SMG9: variants seen among roughly 807,000 people sequenced by gnomAD.
SMG9 encodes nonsense-mediated mRNA decay factor SMG9.
SMG9 carries 55 observed loss-of-function variants against 64.0 expected under a neutral mutation model. The observed-to-expected ratio is 0.86, with a 90% CI of 0.69 to 1.08. The LOEUF is 1.08. SMG9 is among the 50% of genes least tolerant of loss of function. The pLI, the probability that SMG9 is intolerant of heterozygous loss-of-function variation, is 0.00. For missense variants in SMG9, 554 were observed against 681.3 expected, an observed-to-expected ratio of 0.81 and a Z score of 2.08; for synonymous variants, 244 against 254.8, an observed-to-expected ratio of 0.96 and a Z score of 0.41.
Position 43,747,907 on chromosome 19 carries a change from T to TA in SMG9, c.226-11dup, listed in dbSNP as rs550174540. The TA allele has an allele frequency of 2.4e-3, 3,905 of 1,611,892 alleles. 22 individuals carry two copies. The highest frequency in any genetic ancestry group is 2.1e-3 in the Non-Finnish European group (2,464 of 1,179,132). On this transcript the variant is annotated splice_polypyrimidine_tract_variant and intron_variant, in intron 3 of 13. Transcript: ENST00000270066. ...GTGGTGGCTGTTTTGACTACGGAGG[T>TA]AAAAAAAATCCCATCAATGGGGGCA...
chr19:43,741,550 TG>T (rs1465666237), intron 6 of SMG9, among the ~76,000 whole-genome samples: 10 of 152,284 alleles, frequency 6.6e-5, no homozygotes, highest in African/African-American at 2.4e-4. Flanking sequence ...TGCTGCTATG[TG>T]GTGAGGACCG....
rs766009859 is a variant in SMG9, at chr19:43,750,696, G to A, written c.46C>T (p.Arg16Trp). ...HSQPGLYGIE[R>W]RRRWKEPGSG... ...CCAGGCTCCTTCCACCGTCGCCGCCGCTCTATCCCATAGAGTCCAGGCTGA... is the reference window on the plus strand; with the variant it reads ...CCAGGCTCCTTCCACCGTCGCCGCCACTCTATCCCATAGAGTCCAGGCTGA... Residue 16 changes from arginine to tryptophan, a missense_variant, in exon 2 of 14, where the codon CGG (arginine) becomes TGG (tryptophan). Arg to Trp is a moderately radical substitution (Grantham distance 101). Coordinates refer to ENST00000270066, the MANE Select transcript of SMG9 (RefSeq NM_019108.4). 8 of 1,613,726 alleles carry A rather than the reference G, an allele frequency of 5.0e-6. No individual in the cohort carries two copies. Among genetic ancestry groups the A allele is most frequent in the African/African-American group, 4.0e-5 (3 of 74,904 alleles).
chr19:43,734,364 C>T lies in SMG9; in HGVS notation c.1102+25G>A, dbSNP rs749993432. On this transcript the variant is annotated intron_variant, in intron 10 of 13. Transcript: ENST00000270066. Reference sequence around the variant, plus strand: ...CCCTCATTTTTCCTCCTGCCCACCCCTCCAGTCCCCAGAAAGCCTCTCACC... The same window carrying T: ...CCCTCATTTTTCCTCCTGCCCACCCTTCCAGTCCCCAGAAAGCCTCTCACC... The T allele has an allele frequency of 3.3e-6, 5 of 1,535,656 alleles. No individual in the cohort carries two copies. The South Asian group carries it at 6.0e-5, about 18-fold the overall frequency.
chr19:43,745,365 G>GT (rs112917489), intron 5 of SMG9, among the ~76,000 whole-genome samples: 3,259 of 150,870 alleles, frequency 0.022, 108 homozygotes, highest in African/African-American at 0.073. Context: ...GTGTTTTTTT[G>GT]TTTTTTTTTA....
At chr19:43,754,212 TG>T (rs1969283361) in intron 1 of SMG9, among the ~76,000 whole-genome samples, 1 of 152,312 alleles carries the variant, frequency 6.6e-6, no homozygotes, top group South Asian at 2.1e-4. Context: ...GCCCACTTCG[TG>T]GGGCACTCCC....
At chr19:43,743,360 C>T (rs1305997341) in intron 6 of SMG9, among the ~76,000 whole-genome samples, 1 of 152,184 alleles carries the variant, frequency 6.6e-6, no homozygotes, top group African/African-American at 2.4e-5. Context: ...GCAGAGGAAC[C>T]TCACAGCTCC....
chr19:43,749,608 TAC>T (rs1417984302), intron 2 of SMG9, among the ~76,000 whole-genome samples: 1 of 152,222 alleles, frequency 6.6e-6, no homozygotes, highest in Non-Finnish European at 1.5e-5. Context: ...TTCATGTTTG[TAC>T]AGTTTTATAG....
intron 1 of SMG9, among the ~76,000 whole-genome samples, chr19:43,751,187 G>A (rs1969183374): frequency 6.6e-6 from 1 of 151,344 alleles, no homozygotes; most frequent in African/African-American, 2.4e-5. Flanking sequence ...AGGCTGGAGT[G>A]CAATGGCGTA....
chr19:43,734,416 C>T lies in SMG9; in HGVS notation c.1075G>A (p.Glu359Lys), dbSNP rs1266540884. ...HESSSSSGSD[E>K]GTEYYPHLVF... Reference sequence around the variant, plus strand: ...AGGTGGGGGTAGTACTCGGTGCCTTCATCGGAGCCCGATGAGCTGCTGGAC... The same window carrying T: ...AGGTGGGGGTAGTACTCGGTGCCTTTATCGGAGCCCGATGAGCTGCTGGAC... The change falls in exon 10 of 14, where the codon GAA (glutamate) becomes AAA (lysine). Residue 359 changes from glutamate (E) to lysine (K), a missense_variant. Coordinates refer to ENST00000270066, the MANE Select transcript of SMG9 (RefSeq NM_019108.4). 1 of 1,558,508 alleles carries T rather than the reference C, an allele frequency of 6.4e-7. No individual in the cohort carries two copies. Among genetic ancestry groups the T allele is most frequent in the East Asian group, 2.4e-5 (1 of 41,736 alleles).
chr19:43,731,562 G>C lies in SMG9; in HGVS notation c.*34C>G, dbSNP rs201992765. The C allele has an allele frequency of 3.7e-6, 6 of 1,613,976 alleles. No homozygotes were observed. The Admixed American group carries it at 1.0e-4, about 27-fold the overall frequency. ...TCCCTCGCAGTACACTGCGGACCCA[G>C]GAGGTCCCCTGCATGACATTCCTCT... On this transcript the variant is annotated 3_prime_UTR_variant, in exon 14 of 14. Transcript: ENST00000270066.
chr19:43,744,898 C>T lies in SMG9; in HGVS notation c.589-14G>A. On this transcript the variant is annotated splice_polypyrimidine_tract_variant and intron_variant, in intron 5 of 13. Coordinates refer to ENST00000270066, the MANE Select transcript of SMG9 (RefSeq NM_019108.4). ...ATCCAACAGGTACTGTGGGAAAATA[C>T]ATAAATGACTCTGACAAGTCTGTCA... is the stretch of plus-strand genomic sequence containing the variant. The T allele has an allele frequency of 1.2e-6, 2 of 1,600,818 alleles. No homozygotes were observed. The highest frequency in any genetic ancestry group is 1.7e-6 in the Non-Finnish European group (2 of 1,169,190).
Position 43,754,892 on chromosome 19 carries a change from C to G in SMG9, c.-245G>C, listed in dbSNP as rs1278589020. The G allele has an allele frequency of 2.6e-5, 4 of 152,424 alleles. No individual in the cohort carries two copies. The highest frequency in any genetic ancestry group is 2.1e-4 in the South Asian group (1 of 4,826). 9.4% of individuals were successfully genotyped at this position (152,424 alleles called of 1,614,324 possible). ...AGAGGAGGAGGATGTAACGCGGGCC[C>G]GAGCTGAGATCAGTTCCCTCAGGCG... On this transcript the variant is annotated 5_prime_UTR_variant, in exon 1 of 14. Transcript: ENST00000270066.
chr19:43,737,494 G>A lies in SMG9; in HGVS notation c.995+103C>T, dbSNP rs140613219. Reference sequence around the variant, plus strand: ...ATTTGCTCCAACTTACATTTTAAAAGGATCCCTCTGGCTGCTGTCCCTTGA... The same window carrying A: ...ATTTGCTCCAACTTACATTTTAAAAAGATCCCTCTGGCTGCTGTCCCTTGA... On this transcript the variant is annotated intron_variant, in intron 9 of 13. Coordinates refer to ENST00000270066, the MANE Select transcript of SMG9 (RefSeq NM_019108.4). 18 of 985,650 alleles carry A rather than the reference G, an allele frequency of 1.8e-5. No individual in the cohort carries two copies. In the African/African-American group the frequency reaches 2.5e-4, roughly 13 times the overall value. 61.1% of individuals were successfully genotyped at this position (985,650 alleles called of 1,614,324 possible). A position where few individuals can be genotyped will look rare whatever the true frequency, so the allele number is the denominator to read the frequency against.
chr19:43,739,813 C>T (rs1250619043), intron 7 of SMG9: 1 of 378,802 alleles, frequency 2.6e-6, no homozygotes, highest in Non-Finnish European at 4.9e-6. Context: ...GAAAGTCACC[C>T]AGCTGGTAAG....
chr19:43,750,800 T>A (rs1200976026), intron 1 of SMG9, 53 bp from the exon 2 acceptor site: 1 of 1,531,966 alleles, frequency 6.5e-7, no homozygotes, highest in South Asian at 1.2e-5. Context: ...CCTACTCTAC[T>A]TGGCATATCC....
chr19:43,741,144 A>G (rs986762798), intron 6 of SMG9, among the ~76,000 whole-genome samples: 1 of 152,214 alleles, frequency 6.6e-6, no homozygotes, highest in African/African-American at 2.4e-5. Context: ...TAGTTTACAA[A>G]TTACCAGAAA....
intron 9 of SMG9, among the ~76,000 whole-genome samples, chr19:43,736,479 G>A (rs897098132): frequency 2.0e-5 from 3 of 152,316 alleles, no homozygotes; most frequent in South Asian, 2.1e-4. Context: ...TAGGTTCTGA[G>A]CCAGTCTCTT....
intron 9 of SMG9, 126 bp from the exon 10 acceptor site, chr19:43,734,621 CACCA>C: frequency 3.5e-6 from 2 of 577,066 alleles, no homozygotes; most frequent in South Asian, 4.9e-5. Context: ...ACCATATACA[CACCA>C]TGTTTCTCAC....
Position 43,728,877 on chromosome 19 carries a change from G to T in SMG9, c.*2719C>A. 3 of 524,928 alleles carry T rather than the reference G, an allele frequency of 5.7e-6. No homozygotes were observed. Among genetic ancestry groups the T allele is most frequent in the Non-Finnish European group, 7.3e-6 (3 of 409,018 alleles). The allele number at this position is 524,928 out of a possible 1,614,324, so 32.5% of individuals were successfully genotyped here. ...TGTATTCCTGTGTCTGAATTGAAAA[G>T]CGTGAGTTCCACCTGCTGGGAATGA... On this transcript the variant is annotated 3_prime_UTR_variant, in exon 14 of 14. Transcript: ENST00000270066.
Sources: gnomAD v4.1 joint callset for allele counts (sites outside exome capture counted in the v4.1 genomes callset) on GRCh38, gnomAD v4.1.1 for gene constraint, MANE v1.5 for transcripts, NCBI Gene and HGNC (gene_info 2026-07-23, HGNC 2026-07-21) for gene names.